Variants in NEMP2 observed in about 807,000 individuals in gnomAD.
NEMP2 encodes UPF0571 transmembrane protein.
In NEMP2, 53 loss-of-function variants were observed where a neutral mutation model predicts 54.2. That is an observed-to-expected ratio of 0.98 (90% CI 0.78 to 1.23). The LOEUF is 1.23. Ranked by LOEUF, NEMP2 falls within the 50% of genes most tolerant of loss-of-function variation. The pLI, the probability that NEMP2 is intolerant of heterozygous loss-of-function variation, is 0.00. For missense variants in NEMP2, 455 were observed against 511.3 expected, an observed-to-expected ratio of 0.89 and a Z score of 1.06; for synonymous variants, 197 against 190.3, an observed-to-expected ratio of 1.04 and a Z score of -0.29.
the NEMP2 span, among the ~76,000 whole-genome samples, chr2:190,587,279 C>G: frequency 1.3e-5 from 2 of 152,148 alleles, no homozygotes; most frequent in Non-Finnish European, 2.9e-5. The surrounding 1 kb of genome is among the most constrained non-coding windows in gnomAD (Gnocchi z 5.4). Flanking sequence ...TACTTACTGA[C>G]CATTATAAAA....
chr2:190,636,010 C>T, the NEMP2 span, among the ~76,000 whole-genome samples: 21 of 152,316 alleles, frequency 1.4e-4, no homozygotes, highest in East Asian at 3.9e-4. Context: ...GAACCACAGG[C>T]GTGTGCCATC....
At chr2:190,532,386 A>C (rs1409930503) in intron 1 of NEMP2, among the ~76,000 whole-genome samples, 1 of 152,192 alleles carries the variant, frequency 6.6e-6, no homozygotes, top group Non-Finnish European at 1.5e-5. Flanking sequence ...TCACAGATGA[A>C]TCTTAAAGCT....
the NEMP2 span, among the ~76,000 whole-genome samples, chr2:190,611,715 C>T: frequency 1.3e-5 from 2 of 152,182 alleles, no homozygotes; most frequent in African/African-American, 4.8e-5. This position sits in a 1 kb window ranked among gnomAD's most constrained non-coding sequence, Gnocchi z 5.4. Context: ...TCTCATGACT[C>T]CTTATAATCT....
the NEMP2 span, among the ~76,000 whole-genome samples, chr2:190,633,683 A>C: frequency 6.6e-6 from 1 of 152,178 alleles, no homozygotes; most frequent in South Asian, 2.1e-4. Flanking sequence ...GTACTCAGCA[A>C]ATGTTTGTTA....
At chr2:190,478,714 T>TCTGGGGAAGGGGAAGG in the NEMP2 span, among the ~76,000 whole-genome samples, 11 of 151,942 alleles carry the variant, frequency 7.2e-5, no homozygotes, top group African/African-American at 2.4e-4. Flanking sequence ...AAAGACCTAG[T>TCTGGGGAAGGGGAAGG]CTGGGGAAGG....
At chr2:190,576,714 C>A in the NEMP2 span, among the ~76,000 whole-genome samples, 3 of 152,000 alleles carry the variant, frequency 2.0e-5, no homozygotes, top group Non-Finnish European at 4.4e-5. Context: ...GTGATAGCAA[C>A]CTGTTAGTCT....
rs1398961916 is a variant in NEMP2 at position 190,510,970 on chromosome 2, T to C, written c.954-433A>G. On this transcript the variant is annotated intron_variant, in intron 7 of 8. Coordinates refer to ENST00000409150, the MANE Select transcript of NEMP2 (RefSeq NM_001142645.2). The surrounding 1 kb of genome is among the most constrained non-coding windows in gnomAD (Gnocchi z 5.7). ...AACTTCCTCTATATCATATCTATAC[T>C]TTTTTATTGCTGTTATCATGACTGA... 6.6e-6 allele frequency among the ~76,000 whole-genome samples: 1 copy of C among 152,202 alleles called. No homozygotes were observed. Among genetic ancestry groups the C allele is most frequent in the Admixed American group, 6.5e-5 (1 of 15,282 alleles).
Position 190,534,592 on chromosome 2 carries a change from C to T in NEMP2, c.64G>A (p.Val22Met), listed in dbSNP as rs1691298245. 1.4e-6 allele frequency: 2 copies of T among 1,396,322 alleles called. No homozygotes were observed. Among genetic ancestry groups the T allele is most frequent in the Non-Finnish European group, 1.9e-6 (2 of 1,080,512 alleles). 86.5% of individuals were successfully genotyped at this position (1,396,322 alleles called of 1,614,324 possible). A position where few individuals can be genotyped will look rare whatever the true frequency, so the allele number is the denominator to read the frequency against. ...LWLPPLATLP[V>M]RGEAAAAALS... ...GCTGCCGCCGCCGCCTCCCCGCGCA[C>T]GGGCAGTGTGGCCAGGGGCGGCAGC... The change falls in exon 1 of 9, where the codon GTG becomes ATG. Residue 22 changes from valine (V) to methionine (M), a missense_variant. Val to Met is a conservative substitution (Grantham distance 21). This residue lies in a region of NEMP2 where 100 missense variants were observed against 80.2 expected (regional missense o/e 1.25). Coordinates refer to ENST00000409150, the MANE Select transcript of NEMP2 (RefSeq NM_001142645.2).
the NEMP2 span, among the ~76,000 whole-genome samples, chr2:190,447,824 T>C: frequency 6.6e-6 from 1 of 152,204 alleles, no homozygotes; most frequent in Non-Finnish European, 1.5e-5. This position sits in a 1 kb window ranked among gnomAD's most constrained non-coding sequence, Gnocchi z 4.5. Context: ...GATCAGGAAT[T>C]GAAAGATAAT....
At chr2:190,555,780 C>A in the NEMP2 span, among the ~76,000 whole-genome samples, 18 of 152,214 alleles carry the variant, frequency 1.2e-4, no homozygotes, top group East Asian at 2.5e-3. This position sits in a 1 kb window ranked among gnomAD's most constrained non-coding sequence, Gnocchi z 4.8. Flanking sequence ...CCCAACCTAG[C>A]AAGGCAGGCC....
chr2:190,435,895 C>T, the NEMP2 span: 1 of 1,191,118 alleles, frequency 8.4e-7, no homozygotes, highest in Non-Finnish European at 1.2e-6. Context: ...TTTGTAACTG[C>T]TTAATTTCCT....
chr2:190,616,135 C>G, the NEMP2 span, among the ~76,000 whole-genome samples: 1 of 152,178 alleles, frequency 6.6e-6, no homozygotes, highest in Non-Finnish European at 1.5e-5. This position sits in a 1 kb window ranked among gnomAD's most constrained non-coding sequence, Gnocchi z 5.1. Flanking sequence ...CAATGAGCAG[C>G]AGCAAAGGGA....
downstream of NEMP2, chr2:190,499,971 T>C: frequency 6.2e-7 from 1 of 1,609,314 alleles, no homozygotes; most frequent in Non-Finnish European, 8.5e-7. This position sits in a 1 kb window ranked among gnomAD's most constrained non-coding sequence, Gnocchi z 6.0. Context: ...TTGGATTTAT[T>C]TGCTATCACT....
the NEMP2 span, among the ~76,000 whole-genome samples, chr2:190,588,265 C>T: frequency 6.6e-6 from 1 of 152,146 alleles, no homozygotes; most frequent in African/African-American, 2.4e-5. This position sits in a 1 kb window ranked among gnomAD's most constrained non-coding sequence, Gnocchi z 5.0. Flanking sequence ...AGAGATGAGG[C>T]ATTGACTAGG....
the NEMP2 span, chr2:190,444,929 T>A: frequency 1.3e-6 from 1 of 786,198 alleles, no homozygotes; most frequent in Non-Finnish European, 1.5e-6. Flanking sequence ...ACTATGTATC[T>A]TGGTAAATTA....
At chr2:190,462,435 G>A in the NEMP2 span, among the ~76,000 whole-genome samples, 2 of 152,176 alleles carry the variant, frequency 1.3e-5, no homozygotes, top group Non-Finnish European at 1.5e-5. This position sits in a 1 kb window ranked among gnomAD's most constrained non-coding sequence, Gnocchi z 5.7. Flanking sequence ...GTTTTCATGA[G>A]AGTAATGCTT....
At chr2:190,614,944 G>A in the NEMP2 span, among the ~76,000 whole-genome samples, 2,513 of 152,248 alleles carry the variant, frequency 0.017, 35 homozygotes, top group South Asian at 0.043. The surrounding 1 kb of genome is among the most constrained non-coding windows in gnomAD (Gnocchi z 5.7). Context: ...AGGAGATCTG[G>A]GTGACATATA....
chr2:190,510,386 C>T lies in NEMP2; in HGVS notation c.1105G>A (p.Val369Ile), dbSNP rs1427699176. Residue 369 changes from valine to isoleucine, a missense_variant, in exon 8 of 9, where the codon GTC (valine) becomes ATC (isoleucine). Around this residue, in one of 3 missense-constraint regions of NEMP2, gnomAD observed 294 missense variants for 333.6 expected, o/e 0.88. Transcript: ENST00000409150. The surrounding 1 kb of genome is among the most constrained non-coding windows in gnomAD (Gnocchi z 5.7). Reference sequence around the variant, plus strand: ...TTGCTAGGAGTGTGGAGTCTGGAGACGACCAGCCATGAGGGAAAGTCGGGT... The same window carrying T: ...TTGCTAGGAGTGTGGAGTCTGGAGATGACCAGCCATGAGGGAAAGTCGGGT... ...RKPDFPSWLV[V>I]SRLHTPSKFA... 7.7e-6 allele frequency: 12 copies of T among 1,551,552 alleles called. No individual in the cohort carries two copies. The East Asian group carries it at 9.8e-5, about 13-fold the overall frequency.
At chr2:190,437,317 T>G in the NEMP2 span, 1 of 1,614,126 alleles carries the variant, frequency 6.2e-7, no homozygotes, top group African/African-American at 1.3e-5. This position sits in a 1 kb window ranked among gnomAD's most constrained non-coding sequence, Gnocchi z 5.9. Flanking sequence ...CACAAGCCAC[T>G]CGCAGGCCTT....
Sources: gnomAD v4.1 joint callset for allele counts (sites outside exome capture counted in the v4.1 genomes callset) on GRCh38, gnomAD v4.1.1 for gene constraint, gnomAD v4.1.1 regional missense constraint, Gnocchi (gnomAD v3.1) non-coding constraint, MANE v1.5 for transcripts, NCBI Gene and HGNC (gene_info 2026-07-23, HGNC 2026-07-21) for gene names.